SYT1: variants seen among roughly 807,000 people sequenced by gnomAD.
SYT1 encodes synaptotagmin-1.
SYT1 carries 8 observed loss-of-function variants against 44.8 expected under a neutral mutation model. The ratio of observed to expected loss-of-function variants is 0.18; its 90% CI spans 0.10 to 0.32. The LOEUF is 0.32. SYT1 is among the 10% of genes least tolerant of loss of function. The probability of loss-of-function intolerance (pLI) is 1.00; values close to 1 mark genes in which losing one functional copy is unlikely to be tolerated. For missense variants in SYT1, 286 were observed against 509.3 expected, an observed-to-expected ratio of 0.56 and a Z score of 4.22; for synonymous variants, 154 against 188.8, an observed-to-expected ratio of 0.82 and a Z score of 1.51.
chr12:79,439,949 G>A (rs1487447891), intron 9 of SYT1, among the ~76,000 whole-genome samples: 1 of 152,004 alleles, frequency 6.6e-6, no homozygotes, highest in Non-Finnish European at 1.5e-5. Flanking sequence ...TTTCTGGCTG[G>A]GCACAATGGC....
intron 1 of SYT1, chr12:78,955,383 A>G (rs189829538): frequency 6.6e-6 from 1 of 152,156 alleles, no homozygotes; most frequent in Non-Finnish European, 1.5e-5. Flanking sequence ...TTTAGTTGGT[A>G]TGTTAGACCA....
intron 2 of SYT1, among the ~76,000 whole-genome samples, chr12:78,982,613 C>T (rs1458322837): frequency 1.3e-5 from 2 of 152,070 alleles, no homozygotes; most frequent in Non-Finnish European, 2.9e-5. Flanking sequence ...TATTTGGCAG[C>T]TTCTGAAAGC....
At chr12:78,942,276 C>T (rs1237808215) in intron 1 of SYT1, among the ~76,000 whole-genome samples, 3 of 152,230 alleles carry the variant, frequency 2.0e-5, no homozygotes, top group Non-Finnish European at 4.4e-5. Context: ...CCCATGATCA[C>T]ATGTTCAATC....
At chr12:79,408,485 T>C (rs1868314192) in intron 9 of SYT1, among the ~76,000 whole-genome samples, 1 of 152,186 alleles carries the variant, frequency 6.6e-6, no homozygotes, top group Non-Finnish European at 1.5e-5. Context: ...ACTGAGACTT[T>C]GAGCAAGTCA....
intron 3 of SYT1, among the ~76,000 whole-genome samples, chr12:79,153,068 T>C (rs552244593): frequency 6.6e-6 from 1 of 151,982 alleles, no homozygotes; most frequent in Non-Finnish European, 1.5e-5. Flanking sequence ...ATTTCCCAAG[T>C]TGTCATCGAT....
intron 1 of SYT1, among the ~76,000 whole-genome samples, chr12:78,874,254 A>G (rs191437166): frequency 6.6e-6 from 1 of 151,682 alleles, no homozygotes; most frequent in East Asian, 1.9e-4. Flanking sequence ...AACCCAAGCT[A>G]CCTATTTACA....
chr12:79,332,646 T>A (rs1207114092), intron 8 of SYT1, among the ~76,000 whole-genome samples: 2 of 152,210 alleles, frequency 1.3e-5, no homozygotes, highest in East Asian at 3.8e-4. Flanking sequence ...TAAGAAAGTA[T>A]GAGTTTAATG....
intron 4 of SYT1, among the ~76,000 whole-genome samples, chr12:79,244,130 G>A (rs912954961): frequency 4.6e-5 from 7 of 152,074 alleles, no homozygotes; most frequent in African/African-American, 1.7e-4. Context: ...GCACTTTAAC[G>A]TACTGCATCG....
intron 4 of SYT1, among the ~76,000 whole-genome samples, chr12:79,262,006 A>G (rs1877855618): frequency 6.6e-6 from 1 of 152,248 alleles, no homozygotes; most frequent in Non-Finnish European, 1.5e-5. Context: ...ATACTGACAT[A>G]GTGCCAAAAT....
chr12:79,050,946 T>C (rs1011280186), intron 3 of SYT1, among the ~76,000 whole-genome samples: 6 of 152,030 alleles, frequency 3.9e-5, no homozygotes, highest in Middle Eastern at 3.2e-3. Flanking sequence ...TATTCTAATA[T>C]TTTCATTTTA....
At chr12:78,994,152 C>T (rs1870204093) in intron 2 of SYT1, among the ~76,000 whole-genome samples, 1 of 152,186 alleles carries the variant, frequency 6.6e-6, no homozygotes, top group African/African-American at 2.4e-5. Context: ...CCTGAATCAA[C>T]CTGTCAGTGT....
At chr12:79,382,527 T>C (rs1884266125) in intron 9 of SYT1, among the ~76,000 whole-genome samples, 1 of 151,962 alleles carries the variant, frequency 6.6e-6, no homozygotes, top group African/African-American at 2.4e-5. Flanking sequence ...AAAGAATATA[T>C]ACTAGGGGTA....
intron 2 of SYT1, among the ~76,000 whole-genome samples, chr12:79,013,234 G>GGTGT (rs140023138): frequency 1.7e-4 from 26 of 151,350 alleles, no homozygotes; most frequent in African/African-American, 5.3e-4. Flanking sequence ...ATTGTGTGTT[G>GGTGT]GTGTGTGTGT....
At chr12:79,185,486 G>A (rs969951517) in intron 3 of SYT1, among the ~76,000 whole-genome samples, 5 of 151,842 alleles carry the variant, frequency 3.3e-5, no homozygotes, top group Admixed American at 2.6e-4. Flanking sequence ...CAGATAATAA[G>A]TGGCCACATT....
At chr12:79,137,524 C>G (rs1021248726) in intron 3 of SYT1, among the ~76,000 whole-genome samples, 2 of 152,106 alleles carry the variant, frequency 1.3e-5, no homozygotes, top group Non-Finnish European at 1.5e-5. Flanking sequence ...ATAACTCTCC[C>G]AAGTCATAAA....
At position 79,299,505 on chromosome 12, in the gene SYT1, A is replaced by G. The variant is rs1880030932; in HGVS notation, c.764A>G (p.His255Arg). 1 of 1,613,478 alleles carries G rather than the reference A, an allele frequency of 6.2e-7. No homozygotes were observed. The highest frequency in any genetic ancestry group is 2.2e-5 in the East Asian group (1 of 44,872). Reference sequence around the variant, plus strand: ...CCTATGAACACAGTGGATTTTGGCCATGTAACTGAGGAATGGCGTGACCTG... The same window carrying G: ...CCTATGAACACAGTGGATTTTGGCCGTGTAACTGAGGAATGGCGTGACCTG... ...KVPMNTVDFG[H>R]VTEEWRDLQS... Residue 255 changes from histidine (H) to arginine (R), a missense_variant, in exon 8 of 11, where the codon CAT becomes CGT. His to Arg is a conservative substitution (Grantham distance 29). Coordinates refer to ENST00000261205, the MANE Select transcript of SYT1 (RefSeq NM_005639.3).
chr12:78,864,747 G>A (rs1873435431), upstream of SYT1: 2 of 152,480 alleles, frequency 1.3e-5, no homozygotes, highest in African/African-American at 4.8e-5. Flanking sequence ...TGCAGTGTGG[G>A]GATGCTCTAG....
chr12:78,904,552 C>T (rs1397333813), intron 1 of SYT1, among the ~76,000 whole-genome samples: 2 of 151,966 alleles, frequency 1.3e-5, no homozygotes, highest in Non-Finnish European at 2.9e-5. Context: ...GCTCATGATA[C>T]GTAAGTCAAC....
rs150565375 is a variant in SYT1 at position 79,316,879 on chromosome 12, G to A, written c.810+17328G>A. ...ACATCACAGTAATTAGCTCTTAGGA[G>A]AAAGTATGGCATGGATCAAATGAGC... is the stretch of plus-strand genomic sequence containing the variant. On this transcript the variant is annotated intron_variant, in intron 8 of 10. Coordinates refer to ENST00000261205, the MANE Select transcript of SYT1 (RefSeq NM_005639.3). Among the ~76,000 whole-genome samples, 1,117 of 152,284 alleles carry A rather than the reference G, an allele frequency of 7.3e-3. 14 individuals carry two copies. The highest frequency in any genetic ancestry group is 0.026 in the African/African-American group (1,065 of 41,542).
Sources: gnomAD v4.1 joint callset for allele counts (sites outside exome capture counted in the v4.1 genomes callset) on GRCh38, gnomAD v4.1.1 for gene constraint, MANE v1.5 for transcripts, NCBI Gene and HGNC (gene_info 2026-07-23, HGNC 2026-07-21) for gene names.